TAFA1: variants seen among roughly 807,000 people sequenced by gnomAD.
TAFA1 encodes TAFA chemokine like family member 1, also known as chemokine-like protein TAFA-1.
Under a neutral mutation model 18.5 loss-of-function variants are expected in TAFA1, and 4 were observed. The ratio of observed to expected loss-of-function variants is 0.22; its 90% CI spans 0.11 to 0.49. The LOEUF is 0.49. TAFA1 is among the 20% of genes least tolerant of loss of function. The probability of loss-of-function intolerance (pLI) is 0.98; values close to 1 mark genes in which losing one functional copy is unlikely to be tolerated. For synonymous variants in TAFA1, 56 were observed against 55.2 expected, an observed-to-expected ratio of 1.01 and a Z score of -0.06; for missense variants, 147 against 169.0, an observed-to-expected ratio of 0.87 and a Z score of 0.72.
intron 2 of TAFA1, among the ~76,000 whole-genome samples, chr3:68,191,071 A>G (rs1364719241): frequency 6.6e-6 from 1 of 151,842 alleles, no homozygotes; most frequent in Non-Finnish European, 1.5e-5. Context: ...GGGACTTAAA[A>G]TAAACCCTAC....
intron 2 of TAFA1, among the ~76,000 whole-genome samples, chr3:68,106,405 G>T (rs2065205422): frequency 6.6e-6 from 1 of 152,020 alleles, no homozygotes; most frequent in Non-Finnish European, 1.5e-5. Flanking sequence ...CATAATTGAG[G>T]AACTAAAGTT....
In TAFA1 at chr3:68,069,093, T is replaced by C. The variant is rs541748938; in HGVS notation, c.118+62349T>C. 3.3e-5 allele frequency among the ~76,000 whole-genome samples: 5 copies of C among 152,324 alleles called. No individual in the cohort carries two copies. The East Asian group carries it at 9.6e-4, about 29-fold the overall frequency. On this transcript the variant is annotated intron_variant, in intron 2 of 4. Coordinates refer to ENST00000478136, the MANE Select transcript of TAFA1 (RefSeq NM_213609.4). ...ATGCTGGAACATTGTAATGAAGGTG[T>C]TGCTAAGACTGGACTTTGGAAAATA... is the stretch of plus-strand genomic sequence containing the variant.
At chr3:68,499,736 T>C (rs2668169) in intron 3 of TAFA1, among the ~76,000 whole-genome samples, 30,304 of 151,678 alleles carry the variant, frequency 0.2, 3,106 homozygotes, top group Middle Eastern at 0.24. Flanking sequence ...ATGGAGGTGA[T>C]TTTTCTAATA....
chr3:68,363,293 G>C (rs930062063), intron 2 of TAFA1, among the ~76,000 whole-genome samples: 2 of 152,162 alleles, frequency 1.3e-5, no homozygotes, highest in African/African-American at 2.4e-5. Flanking sequence ...AAATGAGAAG[G>C]AAGTGACTTT....
intron 2 of TAFA1, among the ~76,000 whole-genome samples, chr3:68,012,484 A>C (rs1430905189): frequency 6.6e-6 from 1 of 152,164 alleles, no homozygotes; most frequent in African/African-American, 2.4e-5. Flanking sequence ...TGGAGAAAAC[A>C]AGGAACAGAA....
At chr3:68,309,197 C>T (rs2313279) in intron 2 of TAFA1, among the ~76,000 whole-genome samples, 447 of 152,272 alleles carry the variant, frequency 2.9e-3, no homozygotes, top group Admixed American at 5.6e-3. Flanking sequence ...CTGTTTACCA[C>T]TGGATCCTTA....
rs1559585889 is a variant in TAFA1, at chr3:68,262,334, TA to T, written c.119-154945del. On this transcript the variant is annotated intron_variant, in intron 2 of 4. Transcript: ENST00000478136. ...ATATATATATATATATATATATATATATATATATATATATATATATATATTT... is the reference window on the plus strand; with the variant it reads ...ATATATATATATATATATATATATATTATATATATATATATATATATATTT... Among the ~76,000 whole-genome samples, 97 of 95,788 alleles carry T rather than the reference TA, an allele frequency of 1.0e-3. 2 individuals are homozygous for T. The highest frequency in any genetic ancestry group is 1.9e-3 in the South Asian group (4 of 2,152). The allele number at this position is 95,788 out of a possible 152,430, so 62.8% of individuals were successfully genotyped here. A position where few individuals can be genotyped will look rare whatever the true frequency, so the allele number is the denominator to read the frequency against.
intron 2 of TAFA1, among the ~76,000 whole-genome samples, chr3:68,389,984 G>C (rs1053960890): frequency 6.6e-6 from 1 of 152,236 alleles, no homozygotes; most frequent in South Asian, 2.1e-4. Flanking sequence ...TACCCCAGTG[G>C]TGCCTGGAAT....
chr3:68,243,403 CGATATTTAAT>C (rs752018184), intron 2 of TAFA1, among the ~76,000 whole-genome samples: 1 of 151,926 alleles, frequency 6.6e-6, no homozygotes, highest in Non-Finnish European at 1.5e-5. Flanking sequence ...TCCAGAATTA[CGATATTTAAT>C]GTAACATTGC....
chr3:68,122,096 G>T (rs898703164), intron 2 of TAFA1, among the ~76,000 whole-genome samples: 2 of 152,000 alleles, frequency 1.3e-5, no homozygotes, highest in Non-Finnish European at 2.9e-5. Flanking sequence ...AACAAATGGA[G>T]GTCTGAATCT....
intron 2 of TAFA1, among the ~76,000 whole-genome samples, chr3:68,396,662 G>T (rs551747176): frequency 6.6e-6 from 1 of 152,238 alleles, no homozygotes; most frequent in South Asian, 2.1e-4. Flanking sequence ...CAACAAAACT[G>T]CCATAGACAT....
intron 2 of TAFA1, among the ~76,000 whole-genome samples, chr3:68,199,756 A>C (rs2066451009): frequency 6.6e-6 from 1 of 151,436 alleles, no homozygotes; most frequent in Non-Finnish European, 1.5e-5. Flanking sequence ...TTTCAGTTAA[A>C]TCTTTTGGAT....
At chr3:68,299,286 T>C (rs905155160) in intron 2 of TAFA1, among the ~76,000 whole-genome samples, 1 of 152,242 alleles carries the variant, frequency 6.6e-6, no homozygotes, top group Non-Finnish European at 1.5e-5. Flanking sequence ...CAGCCCTAGC[T>C]ATGCTTTAGC....
intron 2 of TAFA1, among the ~76,000 whole-genome samples, chr3:68,207,494 A>C (rs1195036136): frequency 6.6e-6 from 1 of 151,906 alleles, no homozygotes; most frequent in African/African-American, 2.4e-5. Context: ...GACAGTGATC[A>C]TGAGTGTGTC....
At chr3:68,073,373 C>T (rs905977686) in intron 2 of TAFA1, among the ~76,000 whole-genome samples, 2 of 152,246 alleles carry the variant, frequency 1.3e-5, no homozygotes, top group Non-Finnish European at 2.9e-5. Flanking sequence ...CAAAGGTCCA[C>T]AGGACTAGAG....
At chr3:68,395,857 T>A (rs1043551735) in intron 2 of TAFA1, among the ~76,000 whole-genome samples, 1 of 150,662 alleles carries the variant, frequency 6.6e-6, no homozygotes, top group South Asian at 2.1e-4. Context: ...CTAATGTAGA[T>A]GACAGGTTGA....
chr3:68,523,295 C>T lies in TAFA1; in HGVS notation c.260-15461C>T, dbSNP rs529150726. Among the ~76,000 whole-genome samples the T allele has an allele frequency of 3.7e-4, 57 of 152,252 alleles. No homozygotes were observed. In the South Asian group the frequency reaches 0.011, roughly 30 times the overall value. ...TTTTCCCAGAAACCTAACATTTGTA[C>T]TTTAATGTAAAATCTCCTAATTTGA... On this transcript the variant is annotated intron_variant, in intron 3 of 4. Coordinates refer to ENST00000478136, the MANE Select transcript of TAFA1 (RefSeq NM_213609.4).
chr3:68,456,975 T>A (rs2071678662), intron 3 of TAFA1, among the ~76,000 whole-genome samples: 1 of 152,208 alleles, frequency 6.6e-6, no homozygotes, highest in South Asian at 2.1e-4. Flanking sequence ...ATCCAAGGTT[T>A]ATGATACTGC....
rs925615500 is a variant in TAFA1 at position 68,544,825 on chromosome 3, A to G, written c.*322A>G. The G allele has an allele frequency of 8.4e-5, 13 of 154,744 alleles. No homozygotes were observed. 9.6% of individuals were successfully genotyped at this position (154,744 alleles called of 1,614,324 possible). A position where few individuals can be genotyped will look rare whatever the true frequency, so the allele number is the denominator to read the frequency against. ...TTGAAATATATGTATATATATATAT[A>G]TAATATTTTGAAATATTATCTATTC... On this transcript the variant is annotated 3_prime_UTR_variant, in exon 5 of 5. Coordinates refer to ENST00000478136, the MANE Select transcript of TAFA1 (RefSeq NM_213609.4).
Sources: allele counts gnomAD v4.1 joint callset (sites outside exome capture counted in the v4.1 genomes callset), GRCh38; gene constraint gnomAD v4.1.1; transcripts MANE v1.5; gene names NCBI Gene and HGNC (gene_info 2026-07-23, HGNC 2026-07-21).